Variants in SBNO1 observed in about 807,000 individuals in gnomAD.
SBNO1 encodes strawberry notch homolog 1, also known as protein strawberry notch homolog 1.
A neutral mutation model predicts 173.6 loss-of-function variants in SBNO1; 23 were observed. The ratio of observed to expected loss-of-function variants is 0.13; its 90% CI spans 0.10 to 0.19. The LOEUF is 0.19. Ranked by LOEUF, SBNO1 falls within the 10% of genes least tolerant of loss-of-function variation. The pLI, the probability that SBNO1 is intolerant of heterozygous loss-of-function variation, is 1.00. For missense variants in SBNO1, 1,238 were observed against 1,671.2 expected (o/e 0.74, Z 4.52); for synonymous variants, 632 against 571.5 (o/e 1.11, Z -1.51).
chr12:123,327,839 T>A, intron 11 of SBNO1, 27 bp from the exon 12 acceptor site: 1 of 1,603,794 alleles, frequency 6.2e-7, no homozygotes, highest in Non-Finnish European at 8.5e-7. Context: ...TGAAATATAT[T>A]ATAGTTGAAA....
At chr12:123,306,718 G>A (rs1404700592) in intron 28 of SBNO1, among the ~76,000 whole-genome samples, 1 of 152,054 alleles carries the variant, frequency 6.6e-6, no homozygotes. Flanking sequence ...ATGGGGGATA[G>A]CCGAGTAAAA....
At chr12:123,348,940 A>C (rs1873550624) in intron 2 of SBNO1, 1 of 149,866 alleles carries the variant, frequency 6.7e-6, no homozygotes, top group South Asian at 2.2e-4. Flanking sequence ...AGCCTGGGTG[A>C]CAGAGTGAGA....
At chr12:123,303,335 G>A (rs1012925361) in intron 29 of SBNO1, among the ~76,000 whole-genome samples, 1 of 152,136 alleles carries the variant, frequency 6.6e-6, no homozygotes, top group African/African-American at 2.4e-5. Context: ...CTTTACTGAA[G>A]AGATAAGCTG....
rs1461253945 is a variant in SBNO1, at chr12:123,292,795, T to A, written c.*3113A>T. On this transcript the variant is annotated 3_prime_UTR_variant, in exon 32 of 32. Transcript: ENST00000602398. ...TGTAAAGAGAAGATACTGAAGTGTC[T>A]AACTGTAATTTAGCAGCAGAAAAAG... The A allele has an allele frequency of 6.6e-6, 1 of 152,230 alleles. No individual in the cohort carries two copies. The allele number at this position is 152,230 out of a possible 1,614,324, so 9.4% of individuals were successfully genotyped here.
In SBNO1 at chr12:123,345,251, G is replaced by A; in HGVS notation, c.550+7C>T. On this transcript the variant is annotated splice_region_variant and intron_variant, in intron 4 of 31. Transcript: ENST00000602398. ...GAGAAAGTTGATACTATTGAAAACA[G>A]ACTTACTAGCTGCTGTTGCTACTGG... 1 of 1,609,118 alleles carries A rather than the reference G, an allele frequency of 6.2e-7. No homozygotes were observed. Among genetic ancestry groups the A allele is most frequent in the Non-Finnish European group, 8.5e-7 (1 of 1,175,910 alleles).
Position 123,293,065 on chromosome 12 carries a change from A to G in SBNO1, c.*2843T>C, listed in dbSNP as rs1272094648. On this transcript the variant is annotated 3_prime_UTR_variant, in exon 32 of 32. Transcript: ENST00000602398. ...CGCTGTAAACTCTGAAAACACGAAC[A>G]TGATTTCCAACCAAATCTTTGTGCT... is the stretch of plus-strand genomic sequence containing the variant. 6.6e-6 allele frequency: 1 copy of G among 152,224 alleles called. No individual in the cohort carries two copies. Among genetic ancestry groups the G allele is most frequent in the Non-Finnish European group, 1.5e-5 (1 of 68,038 alleles). 9.4% of individuals were successfully genotyped at this position (152,224 alleles called of 1,614,324 possible). A position where few individuals can be genotyped will look rare whatever the true frequency, so the allele number is the denominator to read the frequency against.
Position 123,293,822 on chromosome 12 carries a change from G to A in SBNO1, c.*2086C>T, listed in dbSNP as rs1036426464. ...AAGAGGAGTTGGGCCAACAGCCTGC[G>A]AGAGAAGATCCTTCCCAACTCTGCC... On this transcript the variant is annotated 3_prime_UTR_variant, in exon 32 of 32. Transcript: ENST00000602398. The A allele has an allele frequency of 2.6e-5, 4 of 152,204 alleles. No individual in the cohort carries two copies. The South Asian group carries it at 6.2e-4, about 24-fold the overall frequency. The allele number at this position is 152,204 out of a possible 1,614,324, so 9.4% of individuals were successfully genotyped here.
intron 5 of SBNO1, among the ~76,000 whole-genome samples, chr12:123,340,581 C>CAAAAAAA (rs752794679): frequency 1.3e-4 from 6 of 46,798 alleles, no homozygotes; most frequent in East Asian, 8.0e-4. Flanking sequence ...GACTCTGTCT[C>CAAAAAAA]AAAAAAAAAA....
chr12:123,344,752 G>A (rs1872925072), intron 4 of SBNO1, among the ~76,000 whole-genome samples: 1 of 152,148 alleles, frequency 6.6e-6, no homozygotes, highest in Non-Finnish European at 1.5e-5. Flanking sequence ...GGGAGGCTGA[G>A]GCAGGAGAAT....
At position 123,321,664 on chromosome 12, in the gene SBNO1, C is replaced by T. The variant is rs1156681939; in HGVS notation, c.2194G>A (p.Asp732Asn). 12 of 1,613,884 alleles carry T rather than the reference C, an allele frequency of 7.4e-6. No homozygotes were observed. The highest frequency in any genetic ancestry group is 4.5e-5 in the East Asian group (2 of 44,884). Residue 732 changes from aspartate (D) to asparagine (N), a missense_variant, in exon 17 of 32, where the codon GAC (aspartate) becomes AAC (asparagine). Asp to Asn is a conservative substitution (Grantham distance 23). This residue lies in a region of SBNO1 where 81 missense variants were observed against 82.6 expected (regional missense o/e 0.98). Transcript: ENST00000602398. ...GAGGCATCAGATTCACTTCCACTGT[C>T]GTCAGAACTGCTACCAGTAAGGCCA... Reference protein sequence around the residue: ...VGGLTGSSSDDSGSESDASDN... With the variant: ...VGGLTGSSSDNSGSESDASDN...
chr12:123,319,110 C>T (rs1869660857), intron 20 of SBNO1, among the ~76,000 whole-genome samples: 1 of 151,266 alleles, frequency 6.6e-6, no homozygotes, highest in Admixed American at 6.6e-5. Context: ...ACTACAGGCA[C>T]ATGCCACCAC....
At chr12:123,333,989 GA>G in intron 7 of SBNO1, 63 bp downstream of exon 7, 6 of 1,083,714 alleles carry the variant, frequency 5.5e-6, no homozygotes, top group Non-Finnish European at 7.6e-6. Context: ...CCTTTAGATT[GA>G]AACAACTCTG....
At chr12:123,298,519 G>C (rs1370677154) in intron 30 of SBNO1, among the ~76,000 whole-genome samples, 2 of 152,086 alleles carry the variant, frequency 1.3e-5, no homozygotes, top group African/African-American at 4.8e-5. Context: ...CTTCCCAAAG[G>C]GCCGGGATTA....
At position 123,304,561 on chromosome 12, in the gene SBNO1, A is replaced by G. The variant is rs1426895797; in HGVS notation, c.3768+21T>C. On this transcript the variant is annotated intron_variant, in intron 29 of 31. Transcript: ENST00000602398. Reference sequence around the variant, plus strand: ...CAAAGTAAGTATTCCTATATAATATAATGTACAAATGAAAAAATACCTTCT... The same window carrying G: ...CAAAGTAAGTATTCCTATATAATATGATGTACAAATGAAAAAATACCTTCT... 2.0e-6 allele frequency: 3 copies of G among 1,468,928 alleles called. No homozygotes were observed. In the African/African-American group the frequency reaches 4.2e-5, roughly 21 times the overall value. 91.0% of individuals were successfully genotyped at this position (1,468,928 alleles called of 1,614,324 possible).
chr12:123,347,026 C>T (rs535144831), intron 3 of SBNO1, among the ~76,000 whole-genome samples: 8 of 144,738 alleles, frequency 5.5e-5, no homozygotes, highest in South Asian at 2.2e-4. Context: ...TGCAGCGAGC[C>T]GAGATGGTGC....
At chr12:123,324,511 G>A (rs1593364684) in intron 15 of SBNO1, among the ~76,000 whole-genome samples, 1 of 151,914 alleles carries the variant, frequency 6.6e-6, no homozygotes, top group South Asian at 2.1e-4. Flanking sequence ...TAGTAGAGAC[G>A]AGGTTTCACC....
At chr12:123,327,157 C>T (rs1376331317) in intron 13 of SBNO1, among the ~76,000 whole-genome samples, 4 of 152,108 alleles carry the variant, frequency 2.6e-5, no homozygotes, top group Non-Finnish European at 1.5e-5. Flanking sequence ...CAGGCGCACA[C>T]CACCATGCCC....
At chr12:123,306,103 T>C (rs1469090895) in intron 28 of SBNO1, among the ~76,000 whole-genome samples, 2 of 152,202 alleles carry the variant, frequency 1.3e-5, no homozygotes, top group African/African-American at 2.4e-5. Flanking sequence ...TTCCAACGAA[T>C]TGAAACATTG....
chr12:123,312,706 G>A (rs1868740387), intron 24 of SBNO1, among the ~76,000 whole-genome samples: 1 of 145,756 alleles, frequency 6.9e-6, no homozygotes, highest in Non-Finnish European at 1.5e-5. Context: ...ACGAGACCCC[G>A]TCTCGAAAAA....
Sources: gnomAD v4.1 joint callset for allele counts (sites outside exome capture counted in the v4.1 genomes callset) on GRCh38, gnomAD v4.1.1 for gene constraint, gnomAD v4.1.1 regional missense constraint, MANE v1.5 for transcripts, NCBI Gene and HGNC (gene_info 2026-07-23, HGNC 2026-07-21) for gene names.